RABGEF1: variants seen among roughly 807,000 people sequenced by gnomAD.
RABGEF1 encodes the protein RAB guanine nucleotide exchange factor 1, also known as rab5 GDP/GTP exchange factor.
Under a neutral mutation model 57.3 loss-of-function variants are expected in RABGEF1, and 26 were observed. The observed-to-expected ratio is 0.45, with a 90% CI of 0.33 to 0.63. RABGEF1 has a LOEUF of 0.63. RABGEF1 is among the 20% of genes least tolerant of loss of function. The pLI is 0.02. For synonymous variants in RABGEF1, 185 were observed against 210.7 expected (o/e 0.88, Z 1.06); for missense variants, 464 against 607.6 (o/e 0.76, Z 2.48).
At chr7:66,725,511 A>G (rs117920224) in intron 2 of RABGEF1, among the ~76,000 whole-genome samples, 2,225 of 152,278 alleles carry the variant, frequency 0.015, 62 homozygotes, top group East Asian at 0.093. Flanking sequence ...TGTGGCATGT[A>G]TCAGTTCTTG....
rs1482408720 is a variant in RABGEF1, at chr7:66,786,695, C to T, written c.513+2854C>T. ...CTGGGATTATAGGTGTGAGCCACCG[C>T]GCCCAGTGCTATTCAGCAAATGTTG... is the stretch of plus-strand genomic sequence containing the variant. On this transcript the variant is annotated intron_variant, in intron 4 of 8. Transcript: ENST00000284957. Among the ~76,000 whole-genome samples the T allele has an allele frequency of 4.6e-5, 7 of 152,116 alleles. No individual in the cohort carries two copies. In the East Asian group the frequency reaches 7.7e-4, roughly 17 times the overall value.
At chr7:66,755,925 T>C in intron 1 of RABGEF1, 1 of 610,424 alleles carries the variant, frequency 1.6e-6, no homozygotes, top group Non-Finnish European at 2.7e-6. Flanking sequence ...AAATAATGTT[T>C]TGTTATATTT....
rs751925810 is a variant in RABGEF1, at chr7:66,799,391, A to G, written c.797A>G (p.Asp266Gly). Residue 266 changes from aspartate to glycine, a missense_variant, in exon 7 of 9, where the codon GAT (aspartate) becomes GGT (glycine). Transcript: ENST00000284957. ...AATGAAGACATCCCAGAAGTGTCTG[A>G]TATGGTGGTGAAGGCGATCACAGGT... ...PVNEDIPEVS[D>G]MVVKAITDII... The G allele has an allele frequency of 6.2e-7, 1 of 1,611,318 alleles. No homozygotes were observed. Among genetic ancestry groups the G allele is most frequent in the Non-Finnish European group, 8.5e-7 (1 of 1,177,450 alleles).
intron 1 of RABGEF1, among the ~76,000 whole-genome samples, chr7:66,745,423 CAG>C (rs1742725714): frequency 1.3e-5 from 2 of 152,054 alleles, no homozygotes; most frequent in Non-Finnish European, 2.9e-5. Context: ...ACCTGTGACT[CAG>C]AATAGAAATG....
intron 1 of RABGEF1, among the ~76,000 whole-genome samples, chr7:66,683,942 C>T (rs1032596898): frequency 1.3e-5 from 2 of 152,188 alleles, no homozygotes; most frequent in Middle Eastern, 3.4e-3. Flanking sequence ...TGTCTTGCTG[C>T]GTTGCCCACG....
intron 4 of RABGEF1, among the ~76,000 whole-genome samples, chr7:66,791,010 G>T (rs1812532118): frequency 6.6e-6 from 1 of 152,174 alleles, no homozygotes; most frequent in Non-Finnish European, 1.5e-5. Context: ...TGTAACATGG[G>T]AGTTACTGGA....
At chr7:66,732,280 A>G (rs919446923) in intron 2 of RABGEF1, among the ~76,000 whole-genome samples, 1 of 152,278 alleles carries the variant, frequency 6.6e-6, no homozygotes, top group Admixed American at 6.5e-5. Flanking sequence ...CTGGACACGG[A>G]GCCTCATTGA....
chr7:66,715,024 C>T (rs1467111182), intron 2 of RABGEF1, among the ~76,000 whole-genome samples: 1 of 151,918 alleles, frequency 6.6e-6, no homozygotes, highest in Non-Finnish European at 1.5e-5. Context: ...CTTCTTCCTC[C>T]TCTTTCTTCT....
chr7:66,739,184 A>G (rs1675817045), upstream of RABGEF1, among the ~76,000 whole-genome samples: 1 of 151,810 alleles, frequency 6.6e-6, no homozygotes, highest in Non-Finnish European at 1.5e-5. Context: ...TCCCGACCTC[A>G]GGTGATCTGC....
At chr7:66,803,418 G>A (rs1787743567) in intron 7 of RABGEF1, among the ~76,000 whole-genome samples, 1 of 152,188 alleles carries the variant, frequency 6.6e-6, no homozygotes, top group Non-Finnish European at 1.5e-5. Context: ...AAGCTGCCTT[G>A]GCTCTTTTCT....
At chr7:66,738,748 AAG>A (rs1554311725), upstream of RABGEF1, among the ~76,000 whole-genome samples, 1 of 151,708 alleles carries the variant, frequency 6.6e-6, no homozygotes, top group Non-Finnish European at 1.5e-5. Context: ...AAAAAAAAAA[AAG>A]AAACACTCAT....
rs183327230 is a variant in RABGEF1, at chr7:66,763,515, G to A, written c.-17-8368G>A. 6.7e-3 allele frequency among the ~76,000 whole-genome samples: 1,019 copies of A among 152,248 alleles called. 10 individuals carry two copies. The highest frequency in any genetic ancestry group is 9.8e-3 in the Non-Finnish European group (669 of 68,004). ...TTCTGTCTCTTCTGTTTTTTAAAAAGACAGCTTTATTGAGGTATAATTCAC... is the reference window on the plus strand; with the variant it reads ...TTCTGTCTCTTCTGTTTTTTAAAAAAACAGCTTTATTGAGGTATAATTCAC... On this transcript the variant is annotated intron_variant, in intron 1 of 8. Transcript: ENST00000284957.
At chr7:66,738,006 T>G (rs1273401069), upstream of RABGEF1, among the ~76,000 whole-genome samples, 2 of 137,872 alleles carry the variant, frequency 1.5e-5, no homozygotes, top group South Asian at 2.4e-4. Context: ...TTCTTGGTTG[T>G]GTTTTTTGTT....
chr7:66,670,092 G>A, the RABGEF1 span, among the ~76,000 whole-genome samples: 1 of 152,042 alleles, frequency 6.6e-6, no homozygotes, highest in African/African-American at 2.4e-5. Flanking sequence ...CTTTCCCCAA[G>A]GGCTTCCTAT....
chr7:66,796,678 G>T (rs746112234), intron 5 of RABGEF1: 15 of 271,212 alleles, frequency 5.5e-5, no homozygotes, highest in Non-Finnish European at 9.5e-5. Context: ...CTGCAACTCT[G>T]CCTCCCAGGT....
Position 66,809,346 on chromosome 7 carries a change from A to G in RABGEF1, c.*62A>G, listed in dbSNP as rs1789162804. The G allele has an allele frequency of 6.7e-7, 1 of 1,489,158 alleles. No homozygotes were observed. The highest frequency in any genetic ancestry group is 9.1e-7 in the Non-Finnish European group (1 of 1,103,262). 92.2% of individuals were successfully genotyped at this position (1,489,158 alleles called of 1,614,324 possible). A position where few individuals can be genotyped will look rare whatever the true frequency, so the allele number is the denominator to read the frequency against. On this transcript the variant is annotated 3_prime_UTR_variant, in exon 9 of 9. Coordinates refer to ENST00000284957, the MANE Select transcript of RABGEF1 (RefSeq NM_014504.3). Reference sequence around the variant, plus strand: ...TTGTAGGTAGCCCTTACTACACTCAACTGATTGGGATCTAGAATGTAACTA... The same window carrying G: ...TTGTAGGTAGCCCTTACTACACTCAGCTGATTGGGATCTAGAATGTAACTA...
upstream of RABGEF1, among the ~76,000 whole-genome samples, chr7:66,737,095 A>AGAGAGAGC (rs1562754955): frequency 1.9e-4 from 27 of 138,736 alleles, no homozygotes; most frequent in South Asian, 3.6e-3. Context: ...AGCGAGAGCG[A>AGAGAGAGC]GAGAGAGAGA....
At chr7:66,706,779 T>G (rs1389988802) in intron 1 of RABGEF1, among the ~76,000 whole-genome samples, 4 of 92,534 alleles carry the variant, frequency 4.3e-5, no homozygotes, top group South Asian at 7.0e-4. Context: ...GACATACTGG[T>G]TTTTTTTTTT....
intron 1 of RABGEF1, among the ~76,000 whole-genome samples, chr7:66,708,277 T>G (rs1373960622): frequency 6.6e-6 from 1 of 150,392 alleles, no homozygotes; most frequent in Non-Finnish European, 1.5e-5. Context: ...TAGTTTGGGT[T>G]TTTTTTTTTT....
Sources: allele counts gnomAD v4.1 joint callset (sites outside exome capture counted in the v4.1 genomes callset), GRCh38; gene constraint gnomAD v4.1.1; transcripts MANE v1.5; gene names NCBI Gene and HGNC (gene_info 2026-07-23, HGNC 2026-07-21).